Variants in STAP2 observed in about 807,000 individuals in gnomAD.
STAP2 encodes signal-transducing adaptor protein 2.
A neutral mutation model predicts 52.7 loss-of-function variants in STAP2; 58 were observed. That is an observed-to-expected ratio of 1.10 (90% CI 0.89 to 1.37). The LOEUF is 1.37. Ranked by LOEUF, STAP2 falls within the 40% of genes most tolerant of loss-of-function variation. The pLI is 0.00. For missense variants in STAP2, 522 were observed against 519.4 expected, an observed-to-expected ratio of 1.00 and a Z score of -0.05; for synonymous variants, 231 against 210.5, an observed-to-expected ratio of 1.10 and a Z score of -0.84.
At chr19:4,328,187 G>C (rs1189097036) in intron 6 of STAP2, 1 of 217,116 alleles carries the variant, frequency 4.6e-6, no homozygotes, top group Non-Finnish European at 9.3e-6. Context: ...CCCATACCTG[G>C]GGCAAGGCCA....
chr19:4,331,897 A>C, intron 4 of STAP2, 125 bp downstream of exon 4: 2 of 930,428 alleles, frequency 2.1e-6, no homozygotes, highest in Middle Eastern at 2.6e-4. Flanking sequence ...GCACCACTGC[A>C]CTCCAGCCTG....
In STAP2 at chr19:4,333,727, G is replaced by T. The variant is rs1346520977; in HGVS notation, c.264C>A (p.Ser88Arg). Residue 88 changes from serine (S) to arginine (R), a missense_variant, in exon 3 of 13, where the codon AGC becomes AGA. Transcript: ENST00000594605. ...GSSRDPGTHF[S>R]LILRDQEIKF... ...TGATCTCCTGATCCCGGAGAATCAGGCTGAAGTGGGTGCCAGGGTCACGTG... is the reference window on the plus strand; with the variant it reads ...TGATCTCCTGATCCCGGAGAATCAGTCTGAAGTGGGTGCCAGGGTCACGTG... 9 of 1,612,978 alleles carry T rather than the reference G, an allele frequency of 5.6e-6. No homozygotes were observed. The highest frequency in any genetic ancestry group is 7.6e-6 in the Non-Finnish European group (9 of 1,179,984).
At chr19:4,331,672 C>T (rs1971892908) in intron 4 of STAP2, among the ~76,000 whole-genome samples, 1 of 151,248 alleles carries the variant, frequency 6.6e-6, no homozygotes, top group Non-Finnish European at 1.5e-5. Flanking sequence ...GTGGCTCACG[C>T]CTGTAATCCC....
At position 4,324,153 on chromosome 19, in the gene STAP2, T is replaced by C. The variant is rs1061024; in HGVS notation, c.1192A>G (p.Arg398Gly). 2 of 1,551,556 alleles carry C rather than the reference T, an allele frequency of 1.3e-6. No homozygotes were observed. The highest frequency in any genetic ancestry group is 1.2e-5 in the South Asian group (1 of 84,072). Residue 398 changes from arginine to glycine, a missense_variant, in exon 13 of 13, where the codon AGG (arginine) becomes GGG (glycine). Transcript: ENST00000594605. ...TAELQKKLEK[R>G]RALEH ...CCGAATCAGTGCTCCAGTGCCCGCC[T>C]CTTCTCCAGCTTCTTCTGTAGCTCT...
In STAP2 at chr19:4,337,066, G is replaced by A. The variant is rs570089497; in HGVS notation, c.102+1586C>T. Among the ~76,000 whole-genome samples, 7 of 152,148 alleles carry A rather than the reference G, an allele frequency of 4.6e-5. No homozygotes were observed. The East Asian group carries it at 5.8e-4, about 13-fold the overall frequency. ...GTAAGGGAACCTCAGGGGCAGAGGC[G>A]GGGACATGGGCAGGGAGGAGCTGGG... On this transcript the variant is annotated intron_variant, in intron 1 of 12. Transcript: ENST00000594605.
At position 4,338,754 on chromosome 19, in the gene STAP2, G is replaced by T; in HGVS notation, c.-1C>A. ...GGGGTGGCCTCAGGGCAGAGGCCAT[G>T]ACGGAGCCAGGGTCTTCCGCCTGGC... On this transcript the variant is annotated 5_prime_UTR_variant, in exon 1 of 13. Coordinates refer to ENST00000594605, the MANE Select transcript of STAP2 (RefSeq NM_001013841.2). The T allele has an allele frequency of 6.2e-7, 1 of 1,610,742 alleles. No homozygotes were observed.
chr19:4,332,193 CTTCTTTTTTTTTTT>C (rs1971903403), intron 3 of STAP2, 115 bp from the exon 4 acceptor site: 39 of 317,074 alleles, frequency 1.2e-4, no homozygotes, highest in Non-Finnish European at 1.8e-4. Context: ...TTTTCTTTTT[CTTCTTTTTTTTTTT>C]TTTTTTTTTT....
intron 9 of STAP2, among the ~76,000 whole-genome samples, chr19:4,326,577 T>C (rs569937658): frequency 1.3e-5 from 2 of 152,248 alleles, no homozygotes; most frequent in African/African-American, 2.4e-5. Context: ...GACCCCTCAA[T>C]GCCCATTTCT....
At chr19:4,335,005 T>C (rs1365777283) in intron 1 of STAP2, among the ~76,000 whole-genome samples, 52 of 143,006 alleles carry the variant, frequency 3.6e-4, no homozygotes, top group Non-Finnish European at 5.2e-4. Flanking sequence ...CACCCACTCA[T>C]CAATCCATCC....
chr19:4,324,527 G>T lies in STAP2; in HGVS notation c.1075C>A (p.Pro359Thr), dbSNP rs149398060. The stretch of plus-strand genomic sequence containing the variant: ...CCCAAGCCACCATTAAAGACTTTGG[G>T]CTCTGGAAGAGAAGACAGATGAGGC... ...PKPPVGPKPE[P>T]KVFNGGLGRK... The change falls in exon 12 of 13, where the codon CCC becomes ACC. Residue 359 changes from proline to threonine, a missense_variant and splice_region_variant. Pro to Thr is a conservative substitution (Grantham distance 38, BLOSUM62 -1). Coordinates refer to ENST00000594605, the MANE Select transcript of STAP2 (RefSeq NM_001013841.2). 1.3e-6 allele frequency: 2 copies of T among 1,567,014 alleles called. No individual in the cohort carries two copies. The highest frequency in any genetic ancestry group is 2.3e-5 in the South Asian group (2 of 85,458).
chr19:4,334,821 T>C (rs1971950487), intron 1 of STAP2, among the ~76,000 whole-genome samples: 1 of 116,280 alleles, frequency 8.6e-6, no homozygotes, highest in Non-Finnish European at 1.8e-5. Flanking sequence ...ATCCATCCAC[T>C]CATCCATCCA....
intron 9 of STAP2, 149 bp downstream of exon 9, chr19:4,326,793 C>A: frequency 2.0e-6 from 2 of 1,023,630 alleles, no homozygotes; most frequent in Non-Finnish European, 2.9e-6. Context: ...CACACACACA[C>A]CCTGACGGCA....
chr19:4,324,200 G>C lies in STAP2; in HGVS notation c.1148-3C>G. 5 of 1,550,910 alleles carry C rather than the reference G, an allele frequency of 3.2e-6. No homozygotes were observed. Among genetic ancestry groups the C allele is most frequent in the Non-Finnish European group, 4.4e-6 (5 of 1,146,958 alleles). On this transcript the variant is annotated splice_region_variant and splice_polypyrimidine_tract_variant and intron_variant, in intron 12 of 12. Transcript: ENST00000594605. ...CTCTGCCGTCATGTCTGCCAGCCCT[G>C]GGGGTTCAGGACCAGGAGCTGCAGC...
Position 4,328,826 on chromosome 19 carries a change from C to T in STAP2, c.456-17G>A. On this transcript the variant is annotated splice_polypyrimidine_tract_variant and intron_variant, in intron 5 of 12. Transcript: ENST00000594605. ...AGGAAGCACCTGTGGCGGGCCGCGTCACCCACTCGGGACCCCGGAGACCAA... is the reference window on the plus strand; with the variant it reads ...AGGAAGCACCTGTGGCGGGCCGCGTTACCCACTCGGGACCCCGGAGACCAA... 1 of 1,605,036 alleles carries T rather than the reference C, an allele frequency of 6.2e-7. No homozygotes were observed. Among genetic ancestry groups the T allele is most frequent in the South Asian group, 1.1e-5 (1 of 90,126 alleles).
intron 5 of STAP2, among the ~76,000 whole-genome samples, chr19:4,329,298 G>A (rs1379250421): frequency 6.6e-6 from 1 of 151,610 alleles, no homozygotes. Flanking sequence ...TTAGAGATGG[G>A]GTCTCGCTAT....
chr19:4,330,492 C>T (rs146161857), intron 4 of STAP2, among the ~76,000 whole-genome samples: 4,969 of 150,182 alleles, frequency 0.033, 104 homozygotes, highest in Middle Eastern at 0.11. Flanking sequence ...CATTGCACTC[C>T]AGCCTGGGTG....
rs766523147 is a variant in STAP2, at chr19:4,325,433, A to G, written c.942T>C (p.Ile314=). 6.2e-7 allele frequency: 1 copy of G among 1,614,006 alleles called. No individual in the cohort carries two copies. Among genetic ancestry groups the G allele is most frequent in the East Asian group, 2.2e-5 (1 of 44,870 alleles). ...CATAGTCAACAGCTGGGCCATCTCC[A>G]ATGGGGGTCACGTAGTTCTCTTCCT... The part of the protein sequence containing the change: ...PNQEENYVTP[I]GDGPAVDYEN... Residue 314 remains isoleucine, a synonymous_variant, in exon 10 of 13, where the codon ATT becomes ATC. Transcript: ENST00000594605.
intron 5 of STAP2, among the ~76,000 whole-genome samples, chr19:4,329,596 A>C (rs1257846545): frequency 6.6e-6 from 1 of 150,638 alleles, no homozygotes; most frequent in Non-Finnish European, 1.5e-5. Flanking sequence ...CCCCCCATCC[A>C]GGCCCCGCCT....
chr19:4,324,757 G>C, intron 11 of STAP2: 1 of 510,446 alleles, frequency 2.0e-6, no homozygotes, highest in South Asian at 2.1e-5. Context: ...ACTTGAACCC[G>C]GCAGACAGAG....
Sources: gnomAD v4.1 joint callset for allele counts (sites outside exome capture counted in the v4.1 genomes callset) on GRCh38, gnomAD v4.1.1 for gene constraint, MANE v1.5 for transcripts, NCBI Gene and HGNC (gene_info 2026-07-23, HGNC 2026-07-21) for gene names.